Variants in TDRD9 observed in about 807,000 individuals in gnomAD.
TDRD9 encodes the protein tudor domain containing 9.
Under a neutral mutation model 172.6 loss-of-function variants are expected in TDRD9, and 124 were observed. The ratio of observed to expected loss-of-function variants is 0.72; its 90% CI spans 0.62 to 0.83. TDRD9 has a LOEUF of 0.83. Ranked by LOEUF, TDRD9 falls within the 40% of genes least tolerant of loss-of-function variation. The pLI is 0.00. For synonymous variants in TDRD9, 619 were observed against 617.1 expected (o/e 1.00, Z -0.05); for missense variants, 1,479 against 1,714.1 (o/e 0.86, Z 2.42).
chr14:103,978,924 C>T (rs1172289155), intron 7 of TDRD9, among the ~76,000 whole-genome samples: 1 of 152,128 alleles, frequency 6.6e-6, no homozygotes, highest in Non-Finnish European at 1.5e-5. Context: ...GTGTTGGGAA[C>T]ATTCAGTAGC....
At chr14:103,949,906 C>G (rs528294083) in intron 1 of TDRD9, among the ~76,000 whole-genome samples, 6 of 152,100 alleles carry the variant, frequency 3.9e-5, no homozygotes, top group Admixed American at 1.3e-4. Flanking sequence ...GAACTCCCGA[C>G]CTCAGGTGAT....
In TDRD9 at chr14:103,952,190, G is replaced by GTGTATATA. The variant is rs1366094210; in HGVS notation, c.216-3473_216-3472insGTATATAT. On this transcript the variant is annotated intron_variant, in intron 1 of 35. Transcript: ENST00000409874. ...TGTATATATGTGTGTGCGTGTGTGTGTATATATATATATATATATATATAT... is the reference window on the plus strand; with the variant it reads ...TGTATATATGTGTGTGCGTGTGTGTGTGTATATATATATATATATATATATATATATAT... 6.4e-3 allele frequency among the ~76,000 whole-genome samples: 354 copies of GTGTATATA among 55,480 alleles called. 5 individuals carry two copies. Among genetic ancestry groups the GTGTATATA allele is most frequent in the Middle Eastern group, 0.015 (1 of 66 alleles). 36.4% of individuals were successfully genotyped at this position (55,480 alleles called of 152,430 possible). A position where few individuals can be genotyped will look rare whatever the true frequency, so the allele number is the denominator to read the frequency against.
At chr14:103,984,124 A>G (rs2033580979) in intron 7 of TDRD9, among the ~76,000 whole-genome samples, 1 of 152,242 alleles carries the variant, frequency 6.6e-6, no homozygotes. Context: ...AAAGGCATTC[A>G]GTTTTAAAAG....
In TDRD9 at chr14:103,970,739, A is replaced by G. The variant is rs1272406157; in HGVS notation, c.846+118A>G. The G allele has an allele frequency of 2.3e-5, 17 of 739,922 alleles. No individual in the cohort carries two copies. The East Asian group carries it at 4.0e-4, about 18-fold the overall frequency. The allele number at this position is 739,922 out of a possible 1,614,324, so 45.8% of individuals were successfully genotyped here. On this transcript the variant is annotated intron_variant, in intron 6 of 35. Transcript: ENST00000409874. ...CATTCTGGGACCCCGGACAGATACTAAAATCTGAGGATCCTCAAGTGCCTT... is the reference window on the plus strand; with the variant it reads ...CATTCTGGGACCCCGGACAGATACTGAAATCTGAGGATCCTCAAGTGCCTT...
intron 2 of TDRD9, 121 bp from the exon 3 acceptor site, chr14:103,962,958 G>C (rs2032575311): frequency 1.6e-5 from 8 of 507,490 alleles, no homozygotes; most frequent in Non-Finnish European, 2.6e-5. Context: ...ATGTATTTTT[G>C]TATTTGAGTG....
Position 104,007,205 on chromosome 14 carries a change from G to C in TDRD9, c.2052+1G>C. ...GACAGGGGAGCTGCGGTACCCGAAG[G>C]TTGGTGAGCCCTTTCCTGCTGCTTT... On this transcript the variant is annotated splice_donor_variant, in intron 19 of 35. Coordinates refer to ENST00000409874, the MANE Select transcript of TDRD9 (RefSeq NM_153046.3). LOFTEE classifies it high-confidence loss of function. 7 of 1,613,840 alleles carry C rather than the reference G, an allele frequency of 4.3e-6. No homozygotes were observed. Among genetic ancestry groups the C allele is most frequent in the Non-Finnish European group, 4.2e-6 (5 of 1,179,792 alleles).
Position 103,997,391 on chromosome 14 carries a change from G to A in TDRD9, c.1379-1233G>A, listed in dbSNP as rs1267722389. ...GAAATTGTGAGAGACACATTTGGTC[G>A]GCCTCTAGACATGTGGCCTGAGAGA... On this transcript the variant is annotated intron_variant, in intron 12 of 35. Transcript: ENST00000409874. This position sits in a 1 kb window ranked among gnomAD's most constrained non-coding sequence, Gnocchi z 5.1. 6.6e-6 allele frequency among the ~76,000 whole-genome samples: 1 copy of A among 152,208 alleles called. No individual in the cohort carries two copies. Among genetic ancestry groups the A allele is most frequent in the Admixed American group, 6.5e-5 (1 of 15,280 alleles).
intron 32 of TDRD9, 73 bp downstream of exon 32, chr14:104,035,129 T>C: frequency 8.3e-7 from 1 of 1,211,824 alleles, no homozygotes; most frequent in East Asian, 2.6e-5. Flanking sequence ...TGCCTCTCCT[T>C]GCTCCTTTTG....
chr14:104,025,574 TGGGACACTTTTG>T lies in TDRD9; in HGVS notation c.2734_2745del (p.His912_Gly915del), dbSNP rs1677209405. On this transcript the variant is annotated inframe_deletion, in exon 26 of 36. Transcript: ENST00000409874. ...CCTCTTCCTTTTTAGGTGGTTGAAG[TGGGACACTTTTG>T]GGGATACAGGATTGATGAAAACAAC... The T allele has an allele frequency of 3.7e-6, 6 of 1,613,878 alleles. No homozygotes were observed. Among genetic ancestry groups the T allele is most frequent in the Non-Finnish European group, 5.1e-6 (6 of 1,179,824 alleles).
chr14:104,038,873 T>G (rs1459697480), intron 32 of TDRD9, among the ~76,000 whole-genome samples: 1 of 152,162 alleles, frequency 6.6e-6, no homozygotes, highest in Non-Finnish European at 1.5e-5. Context: ...TTTCGCCCTG[T>G]TGGCCAGGCT....
At chr14:104,021,622 G>C (rs1323726734) in intron 23 of TDRD9, among the ~76,000 whole-genome samples, 1 of 152,182 alleles carries the variant, frequency 6.6e-6, no homozygotes, top group African/African-American at 2.4e-5. Flanking sequence ...GAATCTGGGA[G>C]GCGGAGGTTG....
At chr14:104,041,837 T>G (rs573309864) in intron 33 of TDRD9, among the ~76,000 whole-genome samples, 1 of 152,360 alleles carries the variant, frequency 6.6e-6, no homozygotes, top group South Asian at 2.1e-4. Context: ...TGTAGGTATT[T>G]ATTCAAGAGA....
intron 20 of TDRD9, among the ~76,000 whole-genome samples, chr14:104,010,478 A>G (rs1420339771): frequency 1.3e-5 from 2 of 151,992 alleles, no homozygotes; most frequent in Admixed American, 6.5e-5. Context: ...ACATGGAGCT[A>G]TCATCTCTTA....
chr14:103,996,985 A>G (rs1803059809), intron 12 of TDRD9, among the ~76,000 whole-genome samples: 1 of 152,122 alleles, frequency 6.6e-6, no homozygotes, highest in African/African-American at 2.4e-5. Flanking sequence ...AGCACCATCA[A>G]GCAAGGAGGC....
At chr14:103,956,012 A>G (rs905953646) in intron 2 of TDRD9, among the ~76,000 whole-genome samples, 2 of 137,100 alleles carry the variant, frequency 1.5e-5, no homozygotes, top group Non-Finnish European at 3.0e-5. Context: ...CGGGAGGCTG[A>G]GGTGAGAGGG....
intron 1 of TDRD9, among the ~76,000 whole-genome samples, chr14:103,953,648 T>C (rs745455197): frequency 6.6e-6 from 1 of 152,054 alleles, no homozygotes; most frequent in Non-Finnish European, 1.5e-5. Flanking sequence ...GGAACCAGGG[T>C]AACTGATGCT....
At chr14:103,934,159 G>T (rs1050267864) in intron 1 of TDRD9, among the ~76,000 whole-genome samples, 1 of 152,120 alleles carries the variant, frequency 6.6e-6, no homozygotes, top group Admixed American at 6.5e-5. Flanking sequence ...TGGGACTACA[G>T]GCACGTGCCA....
chr14:103,978,640 TTGAC>T (rs1286032372), intron 7 of TDRD9, among the ~76,000 whole-genome samples: 1 of 152,152 alleles, frequency 6.6e-6, no homozygotes, highest in Admixed American at 6.5e-5. Context: ...GTACTGGTCT[TTGAC>T]TGATGTTTTT....
chr14:103,955,631 A>G (rs1444172382), intron 1 of TDRD9, 33 bp from the exon 2 acceptor site: 2 of 1,508,322 alleles, frequency 1.3e-6, no homozygotes, highest in East Asian at 5.0e-5. Context: ...GGCTTTTTGG[A>G]AATAGTATAC....
Sources: gnomAD v4.1 joint callset for allele counts (sites outside exome capture counted in the v4.1 genomes callset) on GRCh38, gnomAD v4.1.1 for gene constraint, Gnocchi (gnomAD v3.1) non-coding constraint, MANE v1.5 for transcripts, NCBI Gene and HGNC (gene_info 2026-07-23, HGNC 2026-07-21) for gene names.